TSHZ2: variants seen among roughly 807,000 people sequenced by gnomAD.
The protein encoded by TSHZ2 is teashirt homolog 2.
TSHZ2 carries 21 observed loss-of-function variants against 74.4 expected under a neutral mutation model. The observed-to-expected ratio is 0.28, with a 90% CI of 0.20 to 0.41. The LOEUF (loss-of-function observed/expected upper bound fraction) is 0.41, where lower values mean the gene tolerates loss of function less well. Ranked by LOEUF, TSHZ2 falls within the 10% of genes least tolerant of loss-of-function variation. The pLI, the probability that TSHZ2 is intolerant of heterozygous loss-of-function variation, is 1.00. For synonymous variants in TSHZ2, 540 were observed against 515.3 expected (o/e 1.05, Z -0.65); for missense variants, 1,244 against 1,293.5 (o/e 0.96, Z 0.59).
At chr20:53,224,546 C>G (rs1474995122) in intron 1 of TSHZ2, among the ~76,000 whole-genome samples, 1 of 152,098 alleles carries the variant, frequency 6.6e-6, no homozygotes, top group Non-Finnish European at 1.5e-5. Flanking sequence ...TCTCCAGTTC[C>G]TACTAAGAAC....
At chr20:53,272,633 T>C (rs549872021) in intron 2 of TSHZ2, among the ~76,000 whole-genome samples, 1 of 152,264 alleles carries the variant, frequency 6.6e-6, no homozygotes, top group East Asian at 1.9e-4. Context: ...GCATCTAACA[T>C]AAGCCCAGTG....
intron 1 of TSHZ2, among the ~76,000 whole-genome samples, chr20:53,211,618 G>A (rs1989305681): frequency 6.6e-6 from 1 of 152,216 alleles, no homozygotes; most frequent in Non-Finnish European, 1.5e-5. Context: ...AGCAGGCTCA[G>A]ATGGGAGGAT....
chr20:53,043,146 G>A (rs1394801303), intron 1 of TSHZ2, among the ~76,000 whole-genome samples: 2 of 152,196 alleles, frequency 1.3e-5, no homozygotes, highest in African/African-American at 4.8e-5. Context: ...CGGGATAAAG[G>A]TGAATGTAAA....
intron 2 of TSHZ2, among the ~76,000 whole-genome samples, chr20:53,377,707 C>CA (rs1981709332): frequency 1.3e-5 from 2 of 151,994 alleles, no homozygotes; most frequent in South Asian, 2.1e-4. Context: ...AAAAAAAATA[C>CA]AAAAAATTAG....
At position 53,254,061 on chromosome 20, in the gene TSHZ2, C is replaced by T. The variant is rs201441976; in HGVS notation, c.603C>T (p.Ser201=). Residue 201 remains serine (S), a synonymous_variant, in exon 2 of 3, where the codon AGC becomes AGT. Transcript: ENST00000371497. The part of the protein sequence containing the change: ...LFSSVQLYRQ[S]SKMCGTVFTG... ...GCTCGGTGCAGTTGTACCGACAGAG[C>T]AGCAAGATGTGCGGGACTGTGTTCA... 1 of 1,614,110 alleles carries T rather than the reference C, an allele frequency of 6.2e-7. No homozygotes were observed. The highest frequency in any genetic ancestry group is 2.2e-5 in the East Asian group (1 of 44,878).
At chr20:53,401,774 C>CTTTTTTTTTTTTTTTTTTTT (rs59656180) in intron 2 of TSHZ2, among the ~76,000 whole-genome samples, 6 of 94,866 alleles carry the variant, frequency 6.3e-5, no homozygotes, top group African/African-American at 9.4e-5. Context: ...AACACATTTT[C>CTTTTTTTTTTTTTTTTTTTT]TTTTTTTTTT....
chr20:53,348,620 G>C (rs1980532276), intron 2 of TSHZ2, among the ~76,000 whole-genome samples: 1 of 152,178 alleles, frequency 6.6e-6, no homozygotes, highest in African/African-American at 2.4e-5. Flanking sequence ...AGGCGGGGAG[G>C]ATCGCTGTAT....
intron 2 of TSHZ2, among the ~76,000 whole-genome samples, chr20:53,471,613 A>G (rs1433206699): frequency 1.3e-5 from 2 of 152,158 alleles, no homozygotes; most frequent in Non-Finnish European, 2.9e-5. Flanking sequence ...GTGCTGGCCA[A>G]ACAAAGAGTG....
intron 2 of TSHZ2, among the ~76,000 whole-genome samples, chr20:53,386,266 T>C (rs1301019247): frequency 6.6e-6 from 1 of 152,256 alleles, no homozygotes; most frequent in Non-Finnish European, 1.5e-5. Context: ...TAAAAACTTC[T>C]GGCTCTTGCA....
Position 53,027,855 on chromosome 20 carries a change from C to T in TSHZ2, c.40+54522C>T, listed in dbSNP as rs117960070. On this transcript the variant is annotated intron_variant, in intron 1 of 2. Transcript: ENST00000371497. ...AGCACAGTGGGGCTATGGAAAATGCCATTTAAGGAGAGGAGAGGGTGGTTA... is the reference window on the plus strand; with the variant it reads ...AGCACAGTGGGGCTATGGAAAATGCTATTTAAGGAGAGGAGAGGGTGGTTA... Among the ~76,000 whole-genome samples the T allele has an allele frequency of 2.5e-3, 384 of 152,172 alleles. 2 individuals are homozygous for T. Among genetic ancestry groups the T allele is most frequent in the Non-Finnish European group, 2.2e-3 (150 of 68,004 alleles).
intron 1 of TSHZ2, among the ~76,000 whole-genome samples, chr20:53,103,260 T>C (rs979992067): frequency 1.3e-5 from 2 of 152,206 alleles, no homozygotes; most frequent in Non-Finnish European, 2.9e-5. Context: ...CATTTTCCTG[T>C]ATCCGAGCAA....
chr20:52,991,809 AAG>A (rs1330014455), intron 1 of TSHZ2, among the ~76,000 whole-genome samples: 1 of 151,260 alleles, frequency 6.6e-6, no homozygotes, highest in Non-Finnish European at 1.5e-5. Context: ...GTTGTGGGGA[AAG>A]AGTGTGAAAA....
intron 1 of TSHZ2, among the ~76,000 whole-genome samples, chr20:53,150,981 A>G (rs1987664042): frequency 6.6e-6 from 1 of 152,216 alleles, no homozygotes; most frequent in Non-Finnish European, 1.5e-5. Context: ...AATCTAGTTA[A>G]TTGACAAGTG....
At chr20:53,030,940 C>T (rs964250240) in intron 1 of TSHZ2, among the ~76,000 whole-genome samples, 1 of 152,022 alleles carries the variant, frequency 6.6e-6, no homozygotes, top group Non-Finnish European at 1.5e-5. Context: ...GATAAATATT[C>T]CATTGTATGG....
chr20:53,263,831 T>C (rs539385788), intron 2 of TSHZ2, among the ~76,000 whole-genome samples: 17 of 152,274 alleles, frequency 1.1e-4, no homozygotes, highest in African/African-American at 4.1e-4. Flanking sequence ...GGCTGTTCTT[T>C]AGGAAACTCT....
intron 2 of TSHZ2, among the ~76,000 whole-genome samples, chr20:53,395,071 G>A (rs1982400488): frequency 6.6e-6 from 1 of 152,084 alleles, no homozygotes; most frequent in African/African-American, 2.4e-5. Flanking sequence ...GCTTTAAAGT[G>A]GAGGAAAGTA....
At chr20:53,336,294 T>G (rs564242410) in intron 2 of TSHZ2, among the ~76,000 whole-genome samples, 1 of 152,306 alleles carries the variant, frequency 6.6e-6, no homozygotes, top group East Asian at 1.9e-4. Flanking sequence ...ACTGGTTATT[T>G]CATAGCTTCA....
At chr20:53,238,300 C>A (rs1989984890) in intron 1 of TSHZ2, among the ~76,000 whole-genome samples, 1 of 152,086 alleles carries the variant, frequency 6.6e-6, no homozygotes, top group Admixed American at 6.6e-5. Context: ...CAAGTAAAAA[C>A]AAGGAATTTG....
chr20:53,338,393 T>A (rs1198808851), intron 2 of TSHZ2, among the ~76,000 whole-genome samples: 1 of 152,086 alleles, frequency 6.6e-6, no homozygotes, highest in East Asian at 1.9e-4. Flanking sequence ...ACTGCCTGGG[T>A]CCTCCCTACT....
Sources: gnomAD v4.1 joint callset for allele counts (sites outside exome capture counted in the v4.1 genomes callset) on GRCh38, gnomAD v4.1.1 for gene constraint, MANE v1.5 for transcripts, NCBI Gene and HGNC (gene_info 2026-07-23, HGNC 2026-07-21) for gene names.